The following MN1 variants were observed in gnomAD, a reference collection of about 807,000 sequenced individuals.
The protein encoded by MN1 is transcriptional activator MN1.
Under a neutral mutation model 86.9 loss-of-function variants are expected in MN1, and 19 were observed. The ratio of observed to expected loss-of-function variants is 0.22; its 90% confidence interval spans 0.15 to 0.32. The LOEUF is 0.32. Among genes scored for constraint, MN1 ranks in the 10% least tolerant of loss-of-function variants. The pLI is 1.00. For missense variants in MN1, 1,841 were observed against 1,862.0 expected, an observed-to-expected ratio of 0.99 and a Z score of 0.21; for synonymous variants, 928 against 849.6, an observed-to-expected ratio of 1.09 and a Z score of -1.60.
intron 1 of MN1, among the ~76,000 whole-genome samples, chr22:27,785,711 A>C: frequency 6.6e-6 from 1 of 151,448 alleles, no homozygotes; most frequent in South Asian, 2.1e-4. Context: ...GAGTCTAGAA[A>C]TGTCATAATT....
chr22:27,780,628 C>T (rs966703898), intron 1 of MN1, among the ~76,000 whole-genome samples: 3 of 152,176 alleles, frequency 2.0e-5, no homozygotes, highest in African/African-American at 7.2e-5. Context: ...TGGCTGGCTC[C>T]TCGTCATCAC....
chr22:27,777,859 CA>C (rs1162886167), intron 1 of MN1, among the ~76,000 whole-genome samples: 2 of 150,488 alleles, frequency 1.3e-5, no homozygotes, highest in Non-Finnish European at 3.0e-5. Context: ...CTGGGCCACA[CA>C]AGTGAGACTG....
chr22:27,800,624 A>T lies in MN1; in HGVS notation c.-81T>A. 4 of 1,596,336 alleles carry T rather than the reference A, an allele frequency of 2.5e-6. No homozygotes were observed. The highest frequency in any genetic ancestry group is 3.4e-6 in the Non-Finnish European group (4 of 1,174,948). On this transcript the variant is annotated 5_prime_UTR_variant, in exon 1 of 2. Transcript: ENST00000302326. ...GCGCCTCCGGCCAGCTACTCGTTCC[A>T]GCCCAGGATTGGGCGCTCCGGGACG...
rs750109978 is a variant in MN1, at chr22:27,798,433, C to A, written c.2111G>T (p.Gly704Val). 6.4e-7 allele frequency: 1 copy of A among 1,554,024 alleles called. No homozygotes were observed. Among genetic ancestry groups the A allele is most frequent in the Non-Finnish European group, 8.6e-7 (1 of 1,159,134 alleles). Residue 704 changes from glycine (G) to valine (V), a missense_variant, in exon 1 of 2, where the codon GGC becomes GTC. Physicochemically the swap from Gly to Val is moderately radical, Grantham distance 109 (BLOSUM62 -3). Coordinates refer to ENST00000302326, the MANE Select transcript of MN1 (RefSeq NM_002430.3). ...CAGCTGACCCAGGCCTCCCAGACTGCCCCCGAACTGCAGGCCCGGTGAAGG... is the reference window on the plus strand; with the variant it reads ...CAGCTGACCCAGGCCTCCCAGACTGACCCCGAACTGCAGGCCCGGTGAAGG... ...ALPSPGLQFGGSLGGLGQLQS... is the reference protein window; with the variant it reads ...ALPSPGLQFGVSLGGLGQLQS...
chr22:27,785,752 C>T (rs952078041), intron 1 of MN1, among the ~76,000 whole-genome samples: 5 of 141,962 alleles, frequency 3.5e-5, no homozygotes, highest in Non-Finnish European at 8.0e-5. Flanking sequence ...GTGTGCCCCC[C>T]CCCCATGGCC....
chr22:27,793,899 G>A (rs45487796), intron 1 of MN1, among the ~76,000 whole-genome samples: 4,889 of 152,210 alleles, frequency 0.032, 97 homozygotes, highest in South Asian at 0.062. Flanking sequence ...TTTCAGAAAC[G>A]GTGTTAATAT....
Position 27,796,787 on chromosome 22 carries a change from G to C in MN1, c.3757C>G (p.Pro1253Ala). Residue 1253 changes from proline to alanine, a missense_variant, in exon 1 of 2, where the codon CCC becomes GCC. Pro to Ala is a conservative substitution (Grantham distance 27). Transcript: ENST00000302326. ...CCTTCTTTGCTGTTGGGGTTCTGGG[G>C]TTTGGCCTTCTCCCAGGGCGCCAAC... is the stretch of plus-strand genomic sequence containing the variant. ...KTLAPWEKAK[P>A]QNPNSKEAHD... The C allele has an allele frequency of 6.2e-7, 1 of 1,604,802 alleles. No individual in the cohort carries two copies. The highest frequency in any genetic ancestry group is 1.1e-5 in the South Asian group (1 of 90,964).
intron 1 of MN1, among the ~76,000 whole-genome samples, chr22:27,770,864 G>T (rs567249488): frequency 6.6e-6 from 1 of 151,430 alleles, no homozygotes; most frequent in South Asian, 2.1e-4. Flanking sequence ...TGGCTATGTT[G>T]CCTAGGCTGG....
chr22:27,757,977 C>G (rs938003386), intron 1 of MN1, among the ~76,000 whole-genome samples: 1 of 152,070 alleles, frequency 6.6e-6, no homozygotes, highest in East Asian at 1.9e-4. Context: ...TTTCTCCTGC[C>G]CCACTACCCC....
rs536853523 is a variant in MN1 at position 27,777,833 on chromosome 22, G to A, written c.3781+18930C>T. On this transcript the variant is annotated intron_variant, in intron 1 of 1. Transcript: ENST00000302326. ...GGAGGATGCAATGAGCCGAGATCAC[G>A]CCACTGCACTCCAGCCTGGGCCACA... Among the ~76,000 whole-genome samples the A allele has an allele frequency of 8.6e-5, 13 of 151,482 alleles. No individual in the cohort carries two copies. The South Asian group carries it at 1.5e-3, about 17-fold the overall frequency.
intron 1 of MN1, among the ~76,000 whole-genome samples, chr22:27,759,837 C>T (rs1448754061): frequency 6.6e-6 from 1 of 152,152 alleles, no homozygotes; most frequent in African/African-American, 2.4e-5. Flanking sequence ...CTCTCTGGGC[C>T]TAACTGGCCC....
intron 1 of MN1, among the ~76,000 whole-genome samples, chr22:27,752,933 C>A (rs959065443): frequency 6.6e-5 from 10 of 152,340 alleles, no homozygotes; most frequent in African/African-American, 2.4e-4. Context: ...GTCACCGGCC[C>A]GCCCTGCCCT....
chr22:27,751,235 G>A (rs558968445), intron 1 of MN1, 139 bp from the exon 2 acceptor site: 2 of 565,922 alleles, frequency 3.5e-6, no homozygotes, highest in East Asian at 3.3e-5. Flanking sequence ...GGTCCCAGAG[G>A]ATCTAGAGAT....
chr22:27,787,694 A>G lies in MN1; in HGVS notation c.3781+9069T>C, dbSNP rs557655611. On this transcript the variant is annotated intron_variant, in intron 1 of 1. Transcript: ENST00000302326. ...GAAGCCTTAGTGGCCACCTTACAGG[A>G]TCACCAGGGGAAAGGTCACTCCCTT... Among the ~76,000 whole-genome samples, 6 of 152,254 alleles carry G rather than the reference A, an allele frequency of 3.9e-5. No individual in the cohort carries two copies. In the East Asian group the frequency reaches 1.2e-3, roughly 29 times the overall value.
intron 1 of MN1, among the ~76,000 whole-genome samples, chr22:27,772,957 G>A (rs950553800): frequency 4.6e-5 from 7 of 151,792 alleles, no homozygotes; most frequent in African/African-American, 1.5e-4. Flanking sequence ...TGAGGCTGGG[G>A]TGGGGGAGAA....
chr22:27,788,723 G>A lies in MN1; in HGVS notation c.3781+8040C>T, dbSNP rs45578232. Among the ~76,000 whole-genome samples, 111 of 151,940 alleles carry A rather than the reference G, an allele frequency of 7.3e-4. No homozygotes were observed. In the East Asian group the frequency reaches 0.014, roughly 19 times the overall value. ...TGTGTGTGTGCACGCACGTGTGTAC[G>A]CATGTGCGCATGCGTGGAGGGGTTC... On this transcript the variant is annotated intron_variant, in intron 1 of 1. Transcript: ENST00000302326.
intron 1 of MN1, 135 bp from the exon 2 acceptor site, chr22:27,751,231 A>G (rs986918203): frequency 6.9e-6 from 4 of 576,946 alleles, no homozygotes; most frequent in Non-Finnish European, 1.1e-5. Flanking sequence ...AGCTGGTCCC[A>G]GAGGATCTAG....
intron 1 of MN1, among the ~76,000 whole-genome samples, chr22:27,775,134 CT>C (rs1432058764): frequency 6.6e-6 from 1 of 152,242 alleles, no homozygotes; most frequent in African/African-American, 2.4e-5. Context: ...CCTTCTTTCT[CT>C]GTACCTCGCC....
At chr22:27,778,990 T>C (rs1049142809) in intron 1 of MN1, among the ~76,000 whole-genome samples, 5 of 152,156 alleles carry the variant, frequency 3.3e-5, no homozygotes, top group Non-Finnish European at 7.4e-5. Context: ...GGGGCATCCC[T>C]TCCTTCCCTA....
Sources: gnomAD v4.1 joint callset for allele counts (sites outside exome capture counted in the v4.1 genomes callset) on GRCh38, gnomAD v4.1.1 for gene constraint, MANE v1.5 for transcripts, NCBI Gene and HGNC (gene_info 2026-07-23, HGNC 2026-07-21) for gene names.